SPECC1: variants seen among roughly 807,000 people sequenced by gnomAD.
SPECC1 encodes sperm antigen with calponin homology and coiled-coil domains 1.
SPECC1 carries 62 observed loss-of-function variants against 104.1 expected under a neutral mutation model. That is an observed-to-expected ratio of 0.60 (90% CI 0.49 to 0.74). The LOEUF is 0.74. SPECC1 is among the 30% of genes least tolerant of loss of function. The pLI is 0.00. For missense variants in SPECC1, 1,306 were observed against 1,310.5 expected (o/e 1.00, Z 0.05); for synonymous variants, 513 against 501.6 (o/e 1.02, Z -0.30).
intron 3 of SPECC1, among the ~76,000 whole-genome samples, chr17:20,164,675 GATA>G (rs2033489722): frequency 6.6e-6 from 1 of 152,126 alleles, no homozygotes; most frequent in Non-Finnish European, 1.5e-5. Flanking sequence ...TTCATCTGAG[GATA>G]ATGTTTTGCC....
intron 3 of SPECC1, among the ~76,000 whole-genome samples, chr17:20,116,119 G>A (rs1336423444): frequency 6.6e-5 from 10 of 151,546 alleles, no homozygotes; most frequent in African/African-American, 1.9e-4. Context: ...ATGGAGTCTC[G>A]GTCTGTCGCC....
At chr17:20,308,774 T>C (rs932682181) in intron 14 of SPECC1, among the ~76,000 whole-genome samples, 2 of 152,204 alleles carry the variant, frequency 1.3e-5, no homozygotes, top group Non-Finnish European at 2.9e-5. Flanking sequence ...AACTTACACA[T>C]CTGACCAGGG....
intron 2 of SPECC1, among the ~76,000 whole-genome samples, chr17:20,104,706 G>A (rs998397415): frequency 7.7e-6 from 1 of 129,726 alleles, no homozygotes; most frequent in Non-Finnish European, 1.5e-5. Flanking sequence ...TTGTGCCACT[G>A]CACTCCAGCT....
intron 4 of SPECC1, among the ~76,000 whole-genome samples, chr17:20,220,563 T>G (rs1170017239): frequency 2.0e-5 from 1 of 49,944 alleles, no homozygotes; most frequent in African/African-American, 6.6e-5. Context: ...TAATAGTTTT[T>G]TTTTTTTTTT....
At chr17:20,243,051 G>A (rs972874328) in intron 7 of SPECC1, among the ~76,000 whole-genome samples, 3 of 152,176 alleles carry the variant, frequency 2.0e-5, no homozygotes, top group African/African-American at 7.2e-5. Context: ...ATGCTGGAGG[G>A]AATGCAAGTA....
chr17:20,050,491 A>G (rs904782862), intron 1 of SPECC1, among the ~76,000 whole-genome samples: 1 of 152,258 alleles, frequency 6.6e-6, no homozygotes, highest in Non-Finnish European at 1.5e-5. Context: ...TGCAAATTCA[A>G]TAAAATCATT....
chr17:20,263,921 C>T (rs1014533390), intron 12 of SPECC1, among the ~76,000 whole-genome samples: 4 of 151,996 alleles, frequency 2.6e-5, no homozygotes, highest in East Asian at 1.9e-4. Flanking sequence ...ATTTTGGATT[C>T]GTTTTCAAAA....
At chr17:20,176,538 A>T (rs2034487250) in intron 3 of SPECC1, among the ~76,000 whole-genome samples, 1 of 152,208 alleles carries the variant, frequency 6.6e-6, no homozygotes, top group Non-Finnish European at 1.5e-5. Flanking sequence ...AAAACAATGC[A>T]GAATTATTTC....
intron 10 of SPECC1, among the ~76,000 whole-genome samples, chr17:20,255,397 A>G (rs116619510): frequency 0.01 from 1,549 of 152,318 alleles, 19 homozygotes; most frequent in African/African-American, 0.034. Flanking sequence ...TAATTTGATG[A>G]CACGCATAGT....
intron 4 of SPECC1, among the ~76,000 whole-genome samples, chr17:20,221,938 G>A (rs1464822120): frequency 3.3e-5 from 5 of 150,794 alleles, no homozygotes; most frequent in Admixed American, 1.3e-4. Context: ...CCATGTATTC[G>A]TATAATTTCC....
At chr17:20,055,163 T>C (rs1004445960) in intron 1 of SPECC1, among the ~76,000 whole-genome samples, 1 of 152,306 alleles carries the variant, frequency 6.6e-6, no homozygotes, top group Middle Eastern at 3.4e-3. Flanking sequence ...TGGTATCTCA[T>C]ATAAGTGGAG....
At chr17:20,033,525 A>C (rs2044915627) in intron 1 of SPECC1, among the ~76,000 whole-genome samples, 1 of 152,190 alleles carries the variant, frequency 6.6e-6, no homozygotes, top group South Asian at 2.1e-4. Context: ...TGGCATCACT[A>C]TCTGCTTCTG....
At chr17:20,195,081 C>T (rs1051554084) in intron 3 of SPECC1, among the ~76,000 whole-genome samples, 1 of 152,134 alleles carries the variant, frequency 6.6e-6, no homozygotes, top group African/African-American at 2.4e-5. Context: ...TAGGTAACTC[C>T]TGTTTTGCTT....
chr17:20,244,216 G>T (rs1426308358), intron 7 of SPECC1, among the ~76,000 whole-genome samples: 2 of 152,108 alleles, frequency 1.3e-5, no homozygotes, highest in Admixed American at 1.3e-4. Flanking sequence ...GCGACAGAGC[G>T]AGACTCTGTC....
chr17:20,068,309 ATC>A (rs761024316), intron 1 of SPECC1, among the ~76,000 whole-genome samples: 42 of 152,166 alleles, frequency 2.8e-4, no homozygotes, highest in Non-Finnish European at 5.3e-4. Context: ...TCATCCATGT[ATC>A]GGTACATTAT....
intron 1 of SPECC1, among the ~76,000 whole-genome samples, chr17:20,082,388 C>T (rs1441643790): frequency 6.6e-6 from 1 of 151,958 alleles, no homozygotes; most frequent in East Asian, 1.9e-4. Context: ...TTGCTTCATC[C>T]CAGGAGTTTG....
chr17:20,312,243 A>G (rs1250281754), intron 14 of SPECC1, among the ~76,000 whole-genome samples: 3 of 152,224 alleles, frequency 2.0e-5, no homozygotes, highest in African/African-American at 7.2e-5. Flanking sequence ...TGGGTCTGGT[A>G]TCTTTTGGAG....
chr17:20,225,771 C>T (rs1180459814), intron 4 of SPECC1, among the ~76,000 whole-genome samples: 2 of 152,164 alleles, frequency 1.3e-5, no homozygotes, highest in Non-Finnish European at 2.9e-5. Context: ...TGCTTTCTTA[C>T]GTGGATAGCA....
chr17:20,249,152 G>T (rs918679876), intron 9 of SPECC1, among the ~76,000 whole-genome samples: 5 of 152,204 alleles, frequency 3.3e-5, no homozygotes, highest in Admixed American at 3.3e-4. Flanking sequence ...AGGTGCAGTG[G>T]CTCATGCCTG....
Sources: gnomAD v4.1 joint callset for allele counts (sites outside exome capture counted in the v4.1 genomes callset) on GRCh38, gnomAD v4.1.1 for gene constraint, MANE v1.5 for transcripts, NCBI Gene and HGNC (gene_info 2026-07-23, HGNC 2026-07-21) for gene names.